AGMO: variants seen among roughly 807,000 people sequenced by gnomAD.
The protein encoded by AGMO is alkylglycerol monooxygenase, also known as glyceryl-ether monooxygenase.
A neutral mutation model predicts 60.2 loss-of-function variants in AGMO; 75 were observed. The ratio of observed to expected loss-of-function variants is 1.25; its 90% CI spans 1.03 to 1.51. The LOEUF is 1.51. Ranked by LOEUF, AGMO falls within the 40% of genes most tolerant of loss-of-function variation. The pLI, the probability that AGMO is intolerant of heterozygous loss-of-function variation, is 0.00. For missense variants in AGMO, 763 were observed against 525.5 expected (o/e 1.45, Z -4.42); for synonymous variants, 261 against 177.1 (o/e 1.47, Z -3.76).
rs73679631 is a variant in AGMO at position 15,485,666 on chromosome 7, T to C, written c.410-54558A>G. 9.0e-3 allele frequency among the ~76,000 whole-genome samples: 1,367 copies of C among 152,292 alleles called. 22 individuals are homozygous for C. The highest frequency in any genetic ancestry group is 0.031 in the African/African-American group (1,287 of 41,570). ...GAAGTTAGGGCCTGATGGAGATTGA[T>C]GGCAGCCTTGGAAGAAAACGTAGAT... On this transcript the variant is annotated intron_variant, in intron 3 of 12. Coordinates refer to ENST00000342526, the MANE Select transcript of AGMO (RefSeq NM_001004320.2).
intron 3 of AGMO, among the ~76,000 whole-genome samples, chr7:15,466,597 G>T (rs1782296559): frequency 6.6e-6 from 1 of 152,032 alleles, no homozygotes; most frequent in Admixed American, 6.6e-5. Flanking sequence ...GAGGCTTTAG[G>T]GCTAAACTAC....
intron 2 of AGMO, among the ~76,000 whole-genome samples, chr7:15,555,290 T>TACACACAC (rs1420696152): frequency 9.6e-6 from 1 of 103,656 alleles, no homozygotes; most frequent in Non-Finnish European, 1.8e-5. Context: ...TATATATATA[T>TACACACAC]ATACACACAC....
At chr7:15,451,839 G>A (rs950476922) in intron 3 of AGMO, among the ~76,000 whole-genome samples, 2 of 152,180 alleles carry the variant, frequency 1.3e-5, no homozygotes, top group Non-Finnish European at 2.9e-5. Context: ...ATGACGTACA[G>A]AAATGGGAAG....
At chr7:15,128,360 G>A in the AGMO span, among the ~76,000 whole-genome samples, 2 of 152,050 alleles carry the variant, frequency 1.3e-5, no homozygotes, top group African/African-American at 4.8e-5. Context: ...AAAGTCACCA[G>A]TACAATAGAA....
the AGMO span, among the ~76,000 whole-genome samples, chr7:15,121,682 G>A: frequency 9.7e-4 from 148 of 152,000 alleles, no homozygotes; most frequent in Middle Eastern, 3.4e-3. Context: ...TTCAAACTAC[G>A]GAAGGCTACA....
At chr7:15,194,537 C>T in the AGMO span, among the ~76,000 whole-genome samples, 1 of 152,124 alleles carries the variant, frequency 6.6e-6, no homozygotes, top group South Asian at 2.1e-4. Context: ...GAAATAGATG[C>T]TGATACTTCT....
intron 3 of AGMO, among the ~76,000 whole-genome samples, chr7:15,528,246 A>G (rs929630836): frequency 1.3e-5 from 2 of 152,166 alleles, no homozygotes; most frequent in African/African-American, 2.4e-5. Flanking sequence ...TTGTTTTTAT[A>G]GATATAATGC....
intron 12 of AGMO, among the ~76,000 whole-genome samples, chr7:15,229,748 TA>T: frequency 6.8e-6 from 1 of 147,478 alleles, no homozygotes; most frequent in South Asian, 2.1e-4. Flanking sequence ...ATAATATATA[TA>T]AATAATTAGT....
At chr7:15,336,528 A>T (rs1781667702) in intron 12 of AGMO, among the ~76,000 whole-genome samples, 1 of 152,168 alleles carries the variant, frequency 6.6e-6, no homozygotes, top group Non-Finnish European at 1.5e-5. Flanking sequence ...ACTGCTGTTG[A>T]ATAGAAGATA....
At chr7:15,149,668 C>T in the AGMO span, among the ~76,000 whole-genome samples, 1 of 152,002 alleles carries the variant, frequency 6.6e-6, no homozygotes, top group South Asian at 2.1e-4. Context: ...TTCTATTGGT[C>T]TATGTGTCTG....
At chr7:15,462,460 T>C (rs75643574) in intron 3 of AGMO, among the ~76,000 whole-genome samples, 8,167 of 152,240 alleles carry the variant, frequency 0.054, 307 homozygotes, top group African/African-American at 0.11. Flanking sequence ...TTGGAAAAGT[T>C]CTACTATTTA....
Position 15,234,577 on chromosome 7 carries a change from TAA to T in AGMO, c.1264-33220_1264-33219del, listed in dbSNP as rs1782363943. On this transcript the variant is annotated intron_variant, in intron 12 of 12. Coordinates refer to ENST00000342526, the MANE Select transcript of AGMO (RefSeq NM_001004320.2). ...GTGTTTTTCTTATAGCATAAAATCT[TAA>T]AGTTGTTGATCTATAGCTGGGGTCA... is the stretch of plus-strand genomic sequence containing the variant. 2.6e-5 allele frequency among the ~76,000 whole-genome samples: 4 copies of T among 152,194 alleles called. No individual in the cohort carries two copies. In the South Asian group the frequency reaches 8.3e-4, roughly 32 times the overall value.
chr7:15,386,194 A>G (rs1159018653), intron 9 of AGMO, among the ~76,000 whole-genome samples: 2 of 72,108 alleles, frequency 2.8e-5, no homozygotes, highest in East Asian at 2.3e-4. Context: ...AAAAGAAAAG[A>G]AAAAAAAGGT....
intron 4 of AGMO, among the ~76,000 whole-genome samples, chr7:15,426,468 C>T (rs930224320): frequency 6.6e-6 from 1 of 151,836 alleles, no homozygotes; most frequent in African/African-American, 2.4e-5. Context: ...CAAAATCTTC[C>T]CCAGGCGCGG....
At chr7:15,320,891 A>C (rs1285763399) in intron 12 of AGMO, among the ~76,000 whole-genome samples, 1 of 152,176 alleles carries the variant, frequency 6.6e-6, no homozygotes, top group Non-Finnish European at 1.5e-5. Flanking sequence ...TTAGTTTTTT[A>C]AAACAATAAA....
chr7:15,130,823 T>C, the AGMO span, among the ~76,000 whole-genome samples: 2 of 152,158 alleles, frequency 1.3e-5, no homozygotes, highest in African/African-American at 2.4e-5. Context: ...GCTATGTATA[T>C]ATACAAAGAT....
intron 10 of AGMO, among the ~76,000 whole-genome samples, chr7:15,366,631 T>C (rs1035698799): frequency 1.3e-5 from 2 of 152,044 alleles, no homozygotes; most frequent in Non-Finnish European, 2.9e-5. Flanking sequence ...CTTTCTCTAA[T>C]ATAGAAAATA....
At chr7:15,340,455 ACTC>A (rs1252625706) in intron 12 of AGMO, among the ~76,000 whole-genome samples, 1 of 151,900 alleles carries the variant, frequency 6.6e-6, no homozygotes, top group East Asian at 1.9e-4. Context: ...GGCTTCATAA[ACTC>A]CTGTCACAGG....
intron 3 of AGMO, among the ~76,000 whole-genome samples, chr7:15,463,461 A>T (rs567201239): frequency 1.3e-5 from 2 of 152,306 alleles, no homozygotes; most frequent in South Asian, 4.1e-4. Context: ...ACACACACAC[A>T]TGTGCACGTA....
Sources: allele counts gnomAD v4.1 joint callset (sites outside exome capture counted in the v4.1 genomes callset), GRCh38; gene constraint gnomAD v4.1.1; transcripts MANE v1.5; gene names NCBI Gene and HGNC (gene_info 2026-07-23, HGNC 2026-07-21).